Variants in SLC25A48 observed in about 807,000 individuals in gnomAD.
SLC25A48 encodes the protein CTC-321K16.1.
SLC25A48 carries 29 observed loss-of-function variants against 32.2 expected under a neutral mutation model. The ratio of observed to expected loss-of-function variants is 0.90; its 90% CI spans 0.67 to 1.23. SLC25A48 has a LOEUF of 1.23. Ranked by LOEUF, SLC25A48 falls within the 50% of genes most tolerant of loss-of-function variation. The probability of loss-of-function intolerance (pLI) is 0.00; values close to 1 mark genes in which losing one functional copy is unlikely to be tolerated. For missense variants in SLC25A48, 399 were observed against 422.7 expected (o/e 0.94, Z 0.49); for synonymous variants, 164 against 172.3 (o/e 0.95, Z 0.38).
At chr5:135,857,550 C>T (rs760531907) in intron 4 of SLC25A48, among the ~76,000 whole-genome samples, 8 of 152,264 alleles carry the variant, frequency 5.3e-5, no homozygotes, top group Non-Finnish European at 1.0e-4. Context: ...GATAGTTATG[C>T]ACCTACTGGG....
chr5:135,687,996 TC>T (rs1227428216), intron 3 of SLC25A48, among the ~76,000 whole-genome samples: 2 of 15,548 alleles, frequency 1.3e-4, no homozygotes, highest in African/African-American at 4.7e-4. Flanking sequence ...TACAGCCATC[TC>T]CCCCATCCAT....
intron 3 of SLC25A48, among the ~76,000 whole-genome samples, chr5:135,693,422 G>A (rs576546603): frequency 6.6e-6 from 1 of 152,326 alleles, no homozygotes; most frequent in Admixed American, 6.5e-5. Context: ...TATGGGGACT[G>A]GTTCTGCCTA....
At chr5:135,739,121 T>C (rs1755444707) in intron 3 of SLC25A48, among the ~76,000 whole-genome samples, 1 of 151,800 alleles carries the variant, frequency 6.6e-6, no homozygotes, top group African/African-American at 2.4e-5. Context: ...TATGGACTTG[T>C]TATTCATTGT....
chr5:135,740,833 C>T (rs577040049), intron 3 of SLC25A48, among the ~76,000 whole-genome samples: 1 of 152,340 alleles, frequency 6.6e-6, no homozygotes, highest in South Asian at 2.1e-4. Context: ...GCATTCACTG[C>T]AAGCTGTAAA....
At chr5:135,593,510 A>G (rs1751575215) in intron 1 of SLC25A48, among the ~76,000 whole-genome samples, 1 of 152,220 alleles carries the variant, frequency 6.6e-6, no homozygotes, top group South Asian at 2.1e-4. Flanking sequence ...AATTCCATTT[A>G]ATTAAGTAGC....
chr5:135,879,745 G>A (rs1419624015), intron 6 of SLC25A48, among the ~76,000 whole-genome samples: 1 of 152,208 alleles, frequency 6.6e-6, no homozygotes, highest in African/African-American at 2.4e-5. Context: ...TTTAGTGCAT[G>A]TGTATCAGGG....
intron 3 of SLC25A48, chr5:135,650,567 A>AGAC (rs1554118880): frequency 9.5e-6 from 3 of 314,650 alleles, no homozygotes; most frequent in Admixed American, 4.3e-5. Flanking sequence ...ACTAAAAAAA[A>AGAC]AACAACAACA....
In SLC25A48 at chr5:135,828,486, G is replaced by A. The variant is rs149373219; in HGVS notation, c.-116-13930G>A. ...AATGACCCAGTGAGCTCCTGCTGGG[G>A]GAGGCTGAACTGCCTGCTCTCAGGT... is the stretch of plus-strand genomic sequence containing the variant. On this transcript the variant is annotated intron_variant, in intron 4 of 10. Transcript: ENST00000646290. Among the ~76,000 whole-genome samples the A allele has an allele frequency of 9.6e-4, 146 of 152,338 alleles. 2 individuals carry two copies. The highest frequency in any genetic ancestry group is 3.4e-3 in the Middle Eastern group (1 of 294).
At chr5:135,739,668 C>T (rs1755456001) in intron 3 of SLC25A48, among the ~76,000 whole-genome samples, 1 of 152,202 alleles carries the variant, frequency 6.6e-6, no homozygotes, top group Non-Finnish European at 1.5e-5. Flanking sequence ...TGCTGCTTGA[C>T]TTTAATCAAG....
At chr5:135,847,776 G>A (rs192291336) in intron 2 of SLC25A48, among the ~76,000 whole-genome samples, 117 of 152,272 alleles carry the variant, frequency 7.7e-4, no homozygotes, top group African/African-American at 2.8e-3. Flanking sequence ...AGAGCCTCCC[G>A]AGGGAGTGCT....
chr5:135,867,209 T>C (rs1761272029), intron 4 of SLC25A48, among the ~76,000 whole-genome samples: 1 of 152,208 alleles, frequency 6.6e-6, no homozygotes, highest in Admixed American at 6.5e-5. Flanking sequence ...CTTTCGCATA[T>C]GCATGTACAC....
Position 135,770,362 on chromosome 5 carries a change from C to T in SLC25A48, c.-520-42161C>T, listed in dbSNP as rs74577760. ...CAATATCGCAGAGGTAGTACATTCCCCCTGTGATATTGTTCATAATATTCT... is the reference window on the plus strand; with the variant it reads ...CAATATCGCAGAGGTAGTACATTCCTCCTGTGATATTGTTCATAATATTCT... On this transcript the variant is annotated intron_variant, in intron 3 of 10. Transcript: ENST00000646290. Among the ~76,000 whole-genome samples the T allele has an allele frequency of 4.7e-4, 71 of 151,776 alleles. 2 individuals are homozygous for T. The East Asian group carries it at 0.014, about 29-fold the overall frequency.
At chr5:135,610,567 C>A (rs1246900877) in intron 1 of SLC25A48, among the ~76,000 whole-genome samples, 2 of 152,154 alleles carry the variant, frequency 1.3e-5, no homozygotes, top group Non-Finnish European at 2.9e-5. Flanking sequence ...ATGAAAACTT[C>A]TAGTAAGTTT....
intron 7 of SLC25A48, among the ~76,000 whole-genome samples, chr5:135,884,788 G>C (rs767514399): frequency 5.3e-5 from 8 of 152,198 alleles, no homozygotes; most frequent in Non-Finnish European, 8.8e-5. Flanking sequence ...TTGTTTAGAA[G>C]TGGTGCTGTG....
intron 4 of SLC25A48, among the ~76,000 whole-genome samples, chr5:135,823,257 G>C (rs1160815459): frequency 6.6e-6 from 1 of 152,160 alleles, no homozygotes; most frequent in Non-Finnish European, 1.5e-5. Context: ...GGCTTGCTCA[G>C]GATCAAAGGG....
intron 4 of SLC25A48, among the ~76,000 whole-genome samples, chr5:135,829,282 C>T (rs1006014756): frequency 2.8e-4 from 43 of 152,290 alleles, no homozygotes; most frequent in African/African-American, 9.1e-4. Context: ...AGGGTCTCCT[C>T]CTACACTCCT....
Position 135,630,588 on chromosome 5 carries a change from C to CTTTTTTTTTTTT in SLC25A48, c.-709+1234_-709+1245dup, listed in dbSNP as rs869088370. Among the ~76,000 whole-genome samples the CTTTTTTTTTTTT allele has an allele frequency of 1.0e-4, 6 of 58,952 alleles. 1 individual carries two copies. The highest frequency in any genetic ancestry group is 1.8e-4 in the African/African-American group (3 of 16,388). 38.7% of individuals were successfully genotyped at this position (58,952 alleles called of 152,430 possible). On this transcript the variant is annotated intron_variant, in intron 2 of 10. Coordinates refer to the SLC25A48 transcript ENST00000646290. Reference sequence around the variant, plus strand: ...AGGGGAAGATGGTTAGGCTGGGCACCTTTTTTTTTTTTTTTTTTTTTTTTT... The same window carrying CTTTTTTTTTTTT: ...AGGGGAAGATGGTTAGGCTGGGCACCTTTTTTTTTTTTTTTTTTTTTTTTTTTTTTTTTTTTT...
chr5:135,746,297 G>C (rs1488374707), intron 3 of SLC25A48: 1 of 159,502 alleles, frequency 6.3e-6, no homozygotes, highest in Admixed American at 6.5e-5. Flanking sequence ...CACAGCCGCT[G>C]GTTGGGGCAT....
chr5:135,766,163 C>A (rs1330340156), intron 3 of SLC25A48, among the ~76,000 whole-genome samples: 1 of 150,552 alleles, frequency 6.6e-6, no homozygotes, highest in Non-Finnish European at 1.5e-5. Context: ...GGGTGATACT[C>A]CCAATAACGC....
Sources: allele counts gnomAD v4.1 joint callset (sites outside exome capture counted in the v4.1 genomes callset), GRCh38; gene constraint gnomAD v4.1.1; transcripts MANE v1.5; gene names NCBI Gene and HGNC (gene_info 2026-07-23, HGNC 2026-07-21).